Variants in ZNF521 observed in about 807,000 individuals in gnomAD.
ZNF521 encodes the protein zinc finger protein 521.
ZNF521 carries 14 observed loss-of-function variants against 105.5 expected under a neutral mutation model. The ratio of observed to expected loss-of-function variants is 0.13; its 90% CI spans 0.09 to 0.21. The LOEUF is 0.21. Among genes scored for constraint, ZNF521 ranks in the 10% least tolerant of loss-of-function variants. ZNF521 has a pLI of 1.00. For synonymous variants in ZNF521, 635 were observed against 606.0 expected (o/e 1.05, Z -0.70); for missense variants, 1,233 against 1,629.7 (o/e 0.76, Z 4.19).
At chr18:25,149,604 T>C (rs1858220513) in intron 5 of ZNF521, among the ~76,000 whole-genome samples, 2 of 152,156 alleles carry the variant, frequency 1.3e-5, no homozygotes, top group African/African-American at 4.8e-5. Flanking sequence ...CGATGTTCTA[T>C]CTATAGATGG....
At chr18:25,113,075 A>C (rs927207478) in intron 5 of ZNF521, among the ~76,000 whole-genome samples, 10 of 151,814 alleles carry the variant, frequency 6.6e-5, no homozygotes, top group African/African-American at 2.4e-4. Flanking sequence ...GCATAGGGGA[A>C]AGGGCCTGAT....
At chr18:25,091,290 A>G (rs184027851) in intron 6 of ZNF521, among the ~76,000 whole-genome samples, 1 of 152,294 alleles carries the variant, frequency 6.6e-6, no homozygotes, top group East Asian at 1.9e-4. Context: ...ATGTGTGATC[A>G]TATTTCAACC....
intron 5 of ZNF521, among the ~76,000 whole-genome samples, chr18:25,117,743 A>G (rs972212158): frequency 6.6e-6 from 1 of 152,110 alleles, no homozygotes; most frequent in Non-Finnish European, 1.5e-5. Flanking sequence ...AAATGAACAG[A>G]GCCTCAATAA....
chr18:25,227,783 G>A lies in ZNF521; in HGVS notation c.221-86C>T. 1 of 1,126,350 alleles carries A rather than the reference G, an allele frequency of 8.9e-7. No homozygotes were observed. The allele number at this position is 1,126,350 out of a possible 1,614,324, so 69.8% of individuals were successfully genotyped here. A position where few individuals can be genotyped will look rare whatever the true frequency, so the allele number is the denominator to read the frequency against. ...CGTAGCATTTCAACCAGCACGCAGA[G>A]TTGGGCCCTCTTGAATCTTTCAAGA... On this transcript the variant is annotated intron_variant, in intron 3 of 7. Coordinates refer to ENST00000361524, the MANE Select transcript of ZNF521 (RefSeq NM_015461.3). This position sits in a 1 kb window ranked among gnomAD's most constrained non-coding sequence, Gnocchi z 5.7.
intron 3 of ZNF521, among the ~76,000 whole-genome samples, chr18:25,295,615 T>TAA (rs201437743): frequency 3.2e-3 from 449 of 140,156 alleles, no homozygotes; most frequent in Non-Finnish European, 5.2e-3. Context: ...CCCAAAAAAG[T>TAA]AAAAAAAAAA....
chr18:25,315,335 TTACTTATACATGTTGGACTG>T (rs1260422712), intron 3 of ZNF521, among the ~76,000 whole-genome samples: 1 of 152,140 alleles, frequency 6.6e-6, no homozygotes, highest in Non-Finnish European at 1.5e-5. Flanking sequence ...GATACATAAC[TTACTTATACATGTTGGACTG>T]TAGACTCCAG....
intron 5 of ZNF521, among the ~76,000 whole-genome samples, chr18:25,167,411 A>G (rs887640984): frequency 3.9e-5 from 6 of 152,200 alleles, no homozygotes; most frequent in African/African-American, 1.4e-4. Flanking sequence ...CTCCAAAATG[A>G]CAGAAGTGTT....
chr18:25,113,877 C>G (rs2034250760), intron 5 of ZNF521, among the ~76,000 whole-genome samples: 1 of 151,888 alleles, frequency 6.6e-6, no homozygotes, highest in South Asian at 2.1e-4. Flanking sequence ...CAGTTTGAGA[C>G]TGGAAACTAG....
chr18:25,275,609 G>A (rs1909979535), intron 3 of ZNF521, among the ~76,000 whole-genome samples: 1 of 152,174 alleles, frequency 6.6e-6, no homozygotes, highest in African/African-American at 2.4e-5. Context: ...GTATCCACAT[G>A]ATGACAAGCT....
intron 2 of ZNF521, among the ~76,000 whole-genome samples, chr18:25,339,489 T>C (rs1445182699): frequency 1.3e-5 from 2 of 152,334 alleles, no homozygotes; most frequent in East Asian, 3.9e-4. Context: ...ATTACTAGCA[T>C]CTTGTTTATT....
intron 3 of ZNF521, among the ~76,000 whole-genome samples, chr18:25,309,828 T>C (rs914044064): frequency 2.0e-5 from 3 of 152,164 alleles, no homozygotes; most frequent in African/African-American, 7.2e-5. Flanking sequence ...AATAAAAATA[T>C]ACACTTTAAA....
chr18:25,093,745 T>C (rs1221032179), intron 5 of ZNF521, among the ~76,000 whole-genome samples: 2 of 152,172 alleles, frequency 1.3e-5, no homozygotes, highest in South Asian at 2.1e-4. Context: ...ATTATAATTA[T>C]GTAAGAGGGA....
At chr18:25,092,472 A>C (rs2033766530) in intron 5 of ZNF521, among the ~76,000 whole-genome samples, 1 of 152,130 alleles carries the variant, frequency 6.6e-6, no homozygotes, top group South Asian at 2.1e-4. Context: ...TGGCTTATCC[A>C]GAGGGTCCTG....
intron 3 of ZNF521, among the ~76,000 whole-genome samples, chr18:25,250,781 A>AT (rs1340502067): frequency 6.6e-6 from 1 of 152,260 alleles, no homozygotes; most frequent in Non-Finnish European, 1.5e-5. Context: ...CTTTTCCAAC[A>AT]TATCATTTAG....
intron 3 of ZNF521, among the ~76,000 whole-genome samples, chr18:25,240,350 G>A (rs1269966721): frequency 6.6e-6 from 1 of 152,066 alleles, no homozygotes; most frequent in East Asian, 1.9e-4. Flanking sequence ...GGAAGTGGTA[G>A]CTTCAAACAT....
chr18:25,141,929 G>A (rs1028455773), intron 5 of ZNF521, among the ~76,000 whole-genome samples: 4 of 151,992 alleles, frequency 2.6e-5, no homozygotes, highest in African/African-American at 2.4e-5. Flanking sequence ...GCTCATTTGC[G>A]CCTGTCTGGT....
At chr18:25,113,907 T>C (rs955374944) in intron 5 of ZNF521, among the ~76,000 whole-genome samples, 1 of 152,014 alleles carries the variant, frequency 6.6e-6, no homozygotes, top group Non-Finnish European at 1.5e-5. Flanking sequence ...CCAGTACAAT[T>C]TCCTAAAAAG....
chr18:25,249,398 T>C (rs541086163), intron 3 of ZNF521, among the ~76,000 whole-genome samples: 2 of 151,928 alleles, frequency 1.3e-5, no homozygotes, highest in East Asian at 1.9e-4. Flanking sequence ...ACCTCGTGAT[T>C]CACCCACCTC....
chr18:25,268,432 T>C (rs1413979208), intron 3 of ZNF521, among the ~76,000 whole-genome samples: 1 of 151,606 alleles, frequency 6.6e-6, no homozygotes, highest in Non-Finnish European at 1.5e-5. Context: ...AAATACAGAG[T>C]ACACCAAAAA....
Sources: allele counts gnomAD v4.1 joint callset (sites outside exome capture counted in the v4.1 genomes callset), GRCh38; gene constraint gnomAD v4.1.1; non-coding constraint Gnocchi (gnomAD v3.1); transcripts MANE v1.5; gene names NCBI Gene and HGNC (gene_info 2026-07-23, HGNC 2026-07-21).